The following GABBR2 variants were observed in gnomAD, a reference collection of about 807,000 sequenced individuals.
The protein encoded by GABBR2 is gamma-aminobutyric acid type B receptor subunit 2, also known as G-protein coupled receptor 51.
In GABBR2, 23 loss-of-function variants were observed where a neutral mutation model predicts 105.6. The observed-to-expected ratio is 0.22, with a 90% CI of 0.16 to 0.31. The LOEUF (loss-of-function observed/expected upper bound fraction) is 0.31, where lower values mean the gene tolerates loss of function less well. GABBR2 is among the 10% of genes least tolerant of loss of function. The pLI, the probability that GABBR2 is intolerant of heterozygous loss-of-function variation, is 1.00. For missense variants in GABBR2, 734 were observed against 1,245.5 expected, an observed-to-expected ratio of 0.59 and a Z score of 6.18; for synonymous variants, 478 against 499.7, an observed-to-expected ratio of 0.96 and a Z score of 0.58.
Position 98,290,287 on chromosome 9 carries a change from T to TG in GABBR2, c.*296_*297insC, listed in dbSNP as rs2131330549. 8.4e-5 allele frequency: 16 copies of TG among 191,610 alleles called. No individual in the cohort carries two copies. The South Asian group carries it at 2.4e-3, about 28-fold the overall frequency. The allele number at this position is 191,610 out of a possible 1,614,324, so 11.9% of individuals were successfully genotyped here. ...TTTTTTTGTTTTTTTTTTTTTTTTT[T>TG]TTTTTTTGCAAGTTTGATATCCCAG... On this transcript the variant is annotated 3_prime_UTR_variant, in exon 19 of 19. Coordinates refer to ENST00000259455, the MANE Select transcript of GABBR2 (RefSeq NM_005458.8).
At chr9:98,691,565 T>C (rs1302477278) in intron 1 of GABBR2, among the ~76,000 whole-genome samples, 1 of 152,210 alleles carries the variant, frequency 6.6e-6, no homozygotes, top group African/African-American at 2.4e-5. Flanking sequence ...GCGGAGGCCC[T>C]TGGTGAGCAC....
Position 98,306,017 on chromosome 9 carries a change from A to C in GABBR2, c.2229+104T>G. On this transcript the variant is annotated intron_variant, in intron 15 of 18. Transcript: ENST00000259455. This position sits in a 1 kb window ranked among gnomAD's most constrained non-coding sequence, Gnocchi z 5.4. ...AATGTGAATTGTCTTCATCATAAAA[A>C]AAAAAAGGAATGGGTAAACCTTTTA... 1 of 749,864 alleles carries C rather than the reference A, an allele frequency of 1.3e-6. No individual in the cohort carries two copies. The highest frequency in any genetic ancestry group is 2.2e-6 in the Non-Finnish European group (1 of 454,986). 46.5% of individuals were successfully genotyped at this position (749,864 alleles called of 1,614,324 possible).
chr9:98,606,482 T>C (rs1164458305), intron 1 of GABBR2, among the ~76,000 whole-genome samples: 989 of 95,458 alleles, frequency 0.01, 13 homozygotes, highest in African/African-American at 0.034. Context: ...CTTTTTTTTT[T>C]CTTTTTTTTT....
chr9:98,574,967 A>T (rs1340413125), intron 2 of GABBR2, among the ~76,000 whole-genome samples: 2 of 152,168 alleles, frequency 1.3e-5, no homozygotes, highest in Admixed American at 6.5e-5. Flanking sequence ...CCCTCTGATC[A>T]TTGAGCAGAT....
At chr9:98,633,444 G>A (rs1028163302) in intron 1 of GABBR2, among the ~76,000 whole-genome samples, 2 of 151,958 alleles carry the variant, frequency 1.3e-5, no homozygotes, top group African/African-American at 4.8e-5. Context: ...CCAACGTGGT[G>A]AAACCCCGTC....
At chr9:98,635,716 T>C (rs1829866131) in intron 1 of GABBR2, among the ~76,000 whole-genome samples, 1 of 152,154 alleles carries the variant, frequency 6.6e-6, no homozygotes, top group Non-Finnish European at 1.5e-5. Context: ...CTTTAGACCA[T>C]GTTCAAGGAA....
chr9:98,682,366 CTTTTTTTTTTT>C (rs58885676), intron 1 of GABBR2, among the ~76,000 whole-genome samples: 4 of 52,228 alleles, frequency 7.7e-5, no homozygotes, highest in African/African-American at 2.2e-4. Flanking sequence ...ATTTTACCAT[CTTTTTTTTTTT>C]TTTTTTTTTT....
intron 10 of GABBR2, among the ~76,000 whole-genome samples, chr9:98,386,175 T>C (rs996428851): frequency 5.9e-5 from 9 of 152,140 alleles, no homozygotes; most frequent in Non-Finnish European, 1.3e-4. Context: ...TCTTCATCCA[T>C]TAATTTTCAG....
intron 6 of GABBR2, among the ~76,000 whole-genome samples, chr9:98,472,027 C>A (rs1457278241): frequency 1.3e-5 from 2 of 152,138 alleles, no homozygotes; most frequent in Middle Eastern, 3.2e-3. Context: ...ATCGATAAAT[C>A]ATTCATGTAG....
At chr9:98,489,629 G>C (rs537746545) in intron 4 of GABBR2, among the ~76,000 whole-genome samples, 1 of 151,998 alleles carries the variant, frequency 6.6e-6, no homozygotes, top group South Asian at 2.1e-4. Context: ...CTCTATTCCA[G>C]CATCTCTCAA....
chr9:98,571,055 G>C (rs1436455733), intron 2 of GABBR2, among the ~76,000 whole-genome samples: 1 of 152,232 alleles, frequency 6.6e-6, no homozygotes, highest in African/African-American at 2.4e-5. Flanking sequence ...TCAGGCAGCT[G>C]CAGGCCGGGG....
chr9:98,616,920 AT>A (rs1167084870), intron 1 of GABBR2, among the ~76,000 whole-genome samples: 2 of 152,186 alleles, frequency 1.3e-5, no homozygotes, highest in Non-Finnish European at 2.9e-5. Context: ...TGATTTAGGC[AT>A]TTGTTAATTT....
chr9:98,628,285 A>G (rs1829772674), intron 1 of GABBR2, among the ~76,000 whole-genome samples: 2 of 152,226 alleles, frequency 1.3e-5, no homozygotes. Flanking sequence ...CCACTCCTCC[A>G]AACAAAAGGT....
At chr9:98,328,595 C>T (rs1227195434) in intron 13 of GABBR2, among the ~76,000 whole-genome samples, 1 of 152,084 alleles carries the variant, frequency 6.6e-6, no homozygotes, top group Non-Finnish European at 1.5e-5. Context: ...GCAAAAGCTG[C>T]CAGGAGGCTG....
intron 12 of GABBR2, among the ~76,000 whole-genome samples, chr9:98,370,741 A>AG (rs1462966955): frequency 1.3e-4 from 20 of 152,326 alleles, no homozygotes; most frequent in African/African-American, 4.8e-4. Flanking sequence ...AAGAAAGGGG[A>AG]GCTCCAGTAC....
intron 13 of GABBR2, among the ~76,000 whole-genome samples, chr9:98,317,715 G>T (rs1389591567): frequency 6.6e-6 from 1 of 152,154 alleles, no homozygotes; most frequent in Non-Finnish European, 1.5e-5. Flanking sequence ...TGCCTGCTGT[G>T]TGTCATGCAC....
At chr9:98,577,608 T>A (rs1564120038) in intron 2 of GABBR2, among the ~76,000 whole-genome samples, 2 of 152,158 alleles carry the variant, frequency 1.3e-5, no homozygotes, top group Admixed American at 6.5e-5. Context: ...GGCTGTGCTG[T>A]GGAGCAAGTG....
chr9:98,301,891 G>A (rs888557608), intron 16 of GABBR2, among the ~76,000 whole-genome samples: 2 of 152,144 alleles, frequency 1.3e-5, no homozygotes, highest in African/African-American at 2.4e-5. Flanking sequence ...TCATCTTTAG[G>A]TGCACAGACA....
intron 1 of GABBR2, among the ~76,000 whole-genome samples, chr9:98,659,080 G>C (rs1250751462): frequency 6.6e-6 from 1 of 152,186 alleles, no homozygotes; most frequent in African/African-American, 2.4e-5. Flanking sequence ...TATACGTCTT[G>C]AGGCACTGGG....
Sources: gnomAD v4.1 joint callset for allele counts (sites outside exome capture counted in the v4.1 genomes callset) on GRCh38, gnomAD v4.1.1 for gene constraint, Gnocchi (gnomAD v3.1) non-coding constraint, MANE v1.5 for transcripts, NCBI Gene and HGNC (gene_info 2026-07-23, HGNC 2026-07-21) for gene names.